The following LOC128092249 variants were observed in gnomAD, a reference collection of about 807,000 sequenced individuals.
At chr21:46,326,392 C>T in the LOC128092249 span, 1 of 1,614,146 alleles carries the variant, frequency 6.2e-7, no homozygotes, top group Non-Finnish European at 8.5e-7. Context: ...TCACTTCCGA[C>T]AGAGAAAAAC....
At chr21:46,326,301 G>T in the LOC128092249 span, 1 of 1,410,268 alleles carries the variant, frequency 7.1e-7, no homozygotes, top group Non-Finnish European at 9.9e-7. Flanking sequence ...GTCCCCACCA[G>T]TCTGTTGACT....
At chr21:46,326,333 C>G in the LOC128092249 span, 1 of 1,588,180 alleles carries the variant, frequency 6.3e-7, no homozygotes, top group Admixed American at 1.7e-5. Flanking sequence ...TTATTTTTTT[C>G]TCACTTACCT....
chr21:46,326,359 AT>A, the LOC128092249 span: 2 of 1,613,086 alleles, frequency 1.2e-6, no homozygotes, highest in Non-Finnish European at 8.5e-7. Context: ...TTTACTACTT[AT>A]CTACATTTTT....
the LOC128092249 span, chr21:46,326,325 A>T: frequency 2.5e-6 from 4 of 1,571,822 alleles, no homozygotes; most frequent in Non-Finnish European, 3.5e-6. Context: ...TGGTTCTGTT[A>T]TTTTTTTCTC....
the LOC128092249 span, chr21:46,326,474 A>G: frequency 6.2e-7 from 1 of 1,614,244 alleles, no homozygotes; most frequent in Non-Finnish European, 8.5e-7. Flanking sequence ...GCGTCTGTCC[A>G]GGAGGAGAGT....
the LOC128092249 span, chr21:46,326,341 C>A: frequency 6.2e-7 from 1 of 1,600,890 alleles, no homozygotes; most frequent in Non-Finnish European, 8.6e-7. Context: ...TTCTCACTTA[C>A]CTTTGCCTTT....
chr21:46,326,346 G>T, the LOC128092249 span: 1 of 1,606,286 alleles, frequency 6.2e-7, no homozygotes, highest in Non-Finnish European at 8.5e-7. Flanking sequence ...ACTTACCTTT[G>T]CCTTTACTAC....
chr21:46,326,486 C>T, the LOC128092249 span: 26 of 1,614,178 alleles, frequency 1.6e-5, no homozygotes, highest in South Asian at 5.5e-5. Context: ...GAGGAGAGTC[C>T]GGTAACCAAG....
At chr21:46,326,317 G>A in the LOC128092249 span, 1 of 1,532,064 alleles carries the variant, frequency 6.5e-7, no homozygotes, top group Non-Finnish European at 9.0e-7. Context: ...TGACTTTGTG[G>A]TTCTGTTATT....
chr21:46,326,388 C>G, the LOC128092249 span: 1 of 1,614,126 alleles, frequency 6.2e-7, no homozygotes, highest in Non-Finnish European at 8.5e-7. Flanking sequence ...TTGCTCACTT[C>G]CGACAGAGAA....
chr21:46,326,390 G>T, the LOC128092249 span: 2 of 1,613,942 alleles, frequency 1.2e-6, no homozygotes, highest in African/African-American at 1.3e-5. Flanking sequence ...GCTCACTTCC[G>T]ACAGAGAAAA....
the LOC128092249 span, chr21:46,326,453 C>T: frequency 4.3e-6 from 7 of 1,614,172 alleles, no homozygotes; most frequent in Admixed American, 1.7e-5. Flanking sequence ...AGGAAGGGCT[C>T]GGCTGTCGAT....
At chr21:46,326,491 A>G in the LOC128092249 span, 2 of 1,614,224 alleles carry the variant, frequency 1.2e-6, no homozygotes, top group East Asian at 2.2e-5. Flanking sequence ...GAGTCCGGTA[A>G]CCAAGGAGGA....
the LOC128092249 span, chr21:46,326,416 T>C: frequency 2.1e-5 from 34 of 1,614,230 alleles, no homozygotes; most frequent in Non-Finnish European, 2.7e-5. Flanking sequence ...AGGTGACAGT[T>C]CGCATTCGGA....
At chr21:46,326,435 C>T in the LOC128092249 span, 6 of 1,614,062 alleles carry the variant, frequency 3.7e-6, no homozygotes, top group East Asian at 2.2e-5. Context: ...GAGAAAAAGA[C>T]GGCGAAGAGG....
At chr21:46,326,403 A>G in the LOC128092249 span, 9 of 1,614,200 alleles carry the variant, frequency 5.6e-6, no homozygotes, top group Non-Finnish European at 6.8e-6. Flanking sequence ...AGAGAAAAAC[A>G]AAAGGTGACA....
the LOC128092249 span, chr21:46,326,485 C>T: frequency 1.2e-6 from 2 of 1,614,192 alleles, no homozygotes; most frequent in South Asian, 1.1e-5. Context: ...GGAGGAGAGT[C>T]CGGTAACCAA....
the LOC128092249 span, chr21:46,326,302 T>A: frequency 7.1e-7 from 1 of 1,409,640 alleles, no homozygotes; most frequent in Non-Finnish European, 9.9e-7. Context: ...TCCCCACCAG[T>A]CTGTTGACTT....
the LOC128092249 span, chr21:46,326,412 C>T: frequency 3.2e-5 from 51 of 1,614,098 alleles, no homozygotes; most frequent in African/African-American, 6.5e-4. Context: ...CAAAAGGTGA[C>T]AGTTCGCATT....
Sources: allele counts gnomAD v4.1 joint callset, GRCh38; gene constraint gnomAD v4.1.1; transcripts MANE v1.5.